SLC71A2: variants seen among roughly 807,000 people sequenced by gnomAD.
The protein encoded by SLC71A2 is hippocampus abundant transcript-like 1.
the SLC71A2 span, among the ~76,000 whole-genome samples, chr9:94,450,622 T>G: frequency 3.3e-5 from 5 of 151,836 alleles, no homozygotes; most frequent in Admixed American, 3.3e-4. Flanking sequence ...CCTGAGTAGC[T>G]GGGATTACAG....
chr9:94,382,525 C>T, the SLC71A2 span, among the ~76,000 whole-genome samples: 1 of 151,970 alleles, frequency 6.6e-6, no homozygotes, highest in Non-Finnish European at 1.5e-5. Context: ...TCTTTTCATT[C>T]TCTCAGCAGT....
chr9:94,426,171 A>G, the SLC71A2 span, among the ~76,000 whole-genome samples: 1 of 149,910 alleles, frequency 6.7e-6, no homozygotes, highest in African/African-American at 2.5e-5. Flanking sequence ...GGCAGCCATA[A>G]GAGATCTGGG....
chr9:94,408,467 A>T, the SLC71A2 span, among the ~76,000 whole-genome samples: 1 of 152,168 alleles, frequency 6.6e-6, no homozygotes, highest in African/African-American at 2.4e-5. Flanking sequence ...ATGTCTTGGG[A>T]AGAGGTTTAA....
At chr9:94,388,885 G>A in the SLC71A2 span, among the ~76,000 whole-genome samples, 1 of 152,210 alleles carries the variant, frequency 6.6e-6, no homozygotes, top group Middle Eastern at 3.2e-3. Context: ...TTAGTATTCT[G>A]GAAGTGCCTC....
chr9:94,402,540 A>T, the SLC71A2 span, among the ~76,000 whole-genome samples: 9 of 152,082 alleles, frequency 5.9e-5, no homozygotes, highest in Non-Finnish European at 1.5e-5. Flanking sequence ...TCATTTGCCC[A>T]TTTTTTAATT....
At chr9:94,389,065 C>G in the SLC71A2 span, among the ~76,000 whole-genome samples, 2 of 151,658 alleles carry the variant, frequency 1.3e-5, no homozygotes, top group Non-Finnish European at 2.9e-5. Context: ...AGACGCCAGT[C>G]CTAGTTTTCT....
chr9:94,375,268 A>G, the SLC71A2 span, among the ~76,000 whole-genome samples: 1 of 148,366 alleles, frequency 6.7e-6, no homozygotes, highest in African/African-American at 2.6e-5. Flanking sequence ...GAAAACAGGT[A>G]GGGAGCATTT....
the SLC71A2 span, among the ~76,000 whole-genome samples, chr9:94,447,714 GTGT>G: frequency 6.6e-6 from 1 of 152,076 alleles, no homozygotes; most frequent in Non-Finnish European, 1.5e-5. Context: ...TTCATGCTTA[GTGT>G]TGTACATTCT....
the SLC71A2 span, among the ~76,000 whole-genome samples, chr9:94,386,266 T>A: frequency 5.8e-5 from 2 of 34,778 alleles, no homozygotes; most frequent in African/African-American, 2.0e-4. Flanking sequence ...ATAGAACATA[T>A]CGTGTTTGTA....
chr9:94,388,479 T>TA, the SLC71A2 span, among the ~76,000 whole-genome samples: 1 of 152,240 alleles, frequency 6.6e-6, no homozygotes, highest in African/African-American at 2.4e-5. Flanking sequence ...ACTAATTGTA[T>TA]ATATTCATGA....
At chr9:94,409,108 C>T in the SLC71A2 span, among the ~76,000 whole-genome samples, 469 of 146,018 alleles carry the variant, frequency 3.2e-3, 1 homozygote, top group African/African-American at 0.011. Flanking sequence ...GCTGAGATTA[C>T]AGGCCACTGC....
the SLC71A2 span, among the ~76,000 whole-genome samples, chr9:94,397,601 C>CT: frequency 6.6e-6 from 1 of 152,122 alleles, no homozygotes; most frequent in African/African-American, 2.4e-5. Flanking sequence ...GTTCCAGTAT[C>CT]TCATGCTACT....
At chr9:94,453,882 G>T in the SLC71A2 span, 1 of 990,330 alleles carries the variant, frequency 1.0e-6, no homozygotes. Flanking sequence ...TCAGGGAAGG[G>T]TCTTCACACA....
chr9:94,458,490 G>C, the SLC71A2 span: 1 of 1,610,114 alleles, frequency 6.2e-7, no homozygotes, highest in African/African-American at 1.3e-5. Context: ...GTCTAGTTTT[G>C]TAACAACAAT....
the SLC71A2 span, among the ~76,000 whole-genome samples, chr9:94,406,996 G>A: frequency 6.6e-6 from 1 of 152,108 alleles, no homozygotes; most frequent in Non-Finnish European, 1.5e-5. Flanking sequence ...GATCTTAGAG[G>A]AAAAGTTTCC....
the SLC71A2 span, chr9:94,458,317 T>C: frequency 1.9e-6 from 3 of 1,604,970 alleles, no homozygotes; most frequent in African/African-American, 4.0e-5. Flanking sequence ...TTTGTTCTGA[T>C]TTAGGAGTTG....
At chr9:94,404,400 GTTCT>G in the SLC71A2 span, among the ~76,000 whole-genome samples, 11 of 152,100 alleles carry the variant, frequency 7.2e-5, no homozygotes, top group African/African-American at 2.7e-4. Flanking sequence ...GATTCAAGCA[GTTCT>G]TCTGCTTCAG....
the SLC71A2 span, among the ~76,000 whole-genome samples, chr9:94,431,768 C>T: frequency 6.6e-6 from 1 of 152,008 alleles, no homozygotes; most frequent in Admixed American, 6.6e-5. Context: ...ACCAACTGAG[C>T]CGACGTCCCA....
At chr9:94,419,214 A>C in the SLC71A2 span, among the ~76,000 whole-genome samples, 1 of 152,034 alleles carries the variant, frequency 6.6e-6, no homozygotes, top group East Asian at 1.9e-4. Context: ...TCTGGGCTCA[A>C]GCAATTGTCC....
Sources: allele counts gnomAD v4.1 joint callset (sites outside exome capture counted in the v4.1 genomes callset), GRCh38; gene constraint gnomAD v4.1.1; transcripts MANE v1.5; gene names NCBI Gene and HGNC (gene_info 2026-07-23, HGNC 2026-07-21).